The following RANBP2 variants were observed in gnomAD, a reference collection of about 807,000 sequenced individuals.
RANBP2 encodes the protein RAN binding protein 2, also known as E3 SUMO-protein ligase RanBP2.
Under a neutral mutation model 303.6 loss-of-function variants are expected in RANBP2, and 57 were observed. The ratio of observed to expected loss-of-function variants is 0.19; its 90% CI spans 0.15 to 0.23. The LOEUF (loss-of-function observed/expected upper bound fraction) is 0.23. RANBP2 is among the 10% of genes least tolerant of loss of function. The probability of loss-of-function intolerance (pLI) is 1.00; values close to 1 mark genes in which losing one functional copy is unlikely to be tolerated. For synonymous variants in RANBP2, 1,167 were observed against 1,301.5 expected (o/e 0.90, Z 2.23); for missense variants, 3,138 against 3,780.8 (o/e 0.83, Z 4.46).
At chr2:108,895,348 T>G in the RANBP2 span, 1 of 152,622 alleles carries the variant, frequency 6.6e-6, no homozygotes, top group Non-Finnish European at 1.5e-5. Context: ...TTTAATGTAG[T>G]AATAAACACA....
the RANBP2 span, among the ~76,000 whole-genome samples, chr2:109,586,876 G>T: frequency 1.3e-5 from 2 of 152,110 alleles, no homozygotes; most frequent in Non-Finnish European, 2.9e-5. Context: ...GGCTCAACAT[G>T]ATCAATGTGA....
the RANBP2 span, among the ~76,000 whole-genome samples, chr2:109,359,576 T>G: frequency 2.3e-4 from 35 of 152,344 alleles, no homozygotes; most frequent in Admixed American, 7.2e-4. Context: ...TGTATCATGT[T>G]TTAACTTAAA....
At chr2:109,035,774 C>T in the RANBP2 span, among the ~76,000 whole-genome samples, 1 of 152,286 alleles carries the variant, frequency 6.6e-6, no homozygotes, top group Non-Finnish European at 1.5e-5. Flanking sequence ...GAGCTGGGAG[C>T]TAATCCTCTG....
intron 21 of RANBP2, 61 bp from the exon 22 acceptor site, chr2:108,772,428 C>T: frequency 1.5e-6 from 2 of 1,364,056 alleles, no homozygotes; most frequent in Non-Finnish European, 2.1e-6. Flanking sequence ...GGAGGTAGTC[C>T]CTAAGCAAGG....
At chr2:109,229,240 A>G in the RANBP2 span, among the ~76,000 whole-genome samples, 1 of 152,160 alleles carries the variant, frequency 6.6e-6, no homozygotes, top group Non-Finnish European at 1.5e-5. Context: ...CCTTTTTAGT[A>G]CACTTCTTAT....
At chr2:109,282,021 C>A in the RANBP2 span, among the ~76,000 whole-genome samples, 1 of 152,038 alleles carries the variant, frequency 6.6e-6, no homozygotes, top group Admixed American at 6.5e-5. Context: ...GTTCAAGATG[C>A]TACATCTCTG....
the RANBP2 span, among the ~76,000 whole-genome samples, chr2:109,340,329 A>G: frequency 2.6e-5 from 4 of 152,214 alleles, no homozygotes; most frequent in Admixed American, 6.5e-5. Flanking sequence ...AGGTAGGAGC[A>G]GCAGGCACAC....
the RANBP2 span, among the ~76,000 whole-genome samples, chr2:109,069,235 T>C: frequency 1.2e-4 from 18 of 152,214 alleles, no homozygotes; most frequent in Admixed American, 4.6e-4. Flanking sequence ...GGGGGGCTTA[T>C]AAATCAAGAG....
chr2:109,160,693 G>T, the RANBP2 span, among the ~76,000 whole-genome samples: 4 of 152,320 alleles, frequency 2.6e-5, no homozygotes, highest in Non-Finnish European at 4.4e-5. Flanking sequence ...ATCTCTGACT[G>T]CAGGGGCTGT....
the RANBP2 span, among the ~76,000 whole-genome samples, chr2:109,634,119 C>CAA: frequency 2.9e-4 from 16 of 56,088 alleles, no homozygotes; most frequent in African/African-American, 3.1e-4. Flanking sequence ...GACTCTGTCT[C>CAA]AAAAAAAAAA....
the RANBP2 span, among the ~76,000 whole-genome samples, chr2:109,047,433 T>G: frequency 6.6e-6 from 1 of 152,202 alleles, no homozygotes; most frequent in Admixed American, 6.5e-5. Flanking sequence ...ATCTGCCACC[T>G]CAGCCTAATA....
chr2:109,480,630 G>A, the RANBP2 span, among the ~76,000 whole-genome samples: 4 of 152,080 alleles, frequency 2.6e-5, no homozygotes, highest in Non-Finnish European at 4.4e-5. Context: ...CCCTGTGGGA[G>A]GAGGAGGAGG....
At chr2:109,417,083 A>G in the RANBP2 span, among the ~76,000 whole-genome samples, 6 of 152,036 alleles carry the variant, frequency 3.9e-5, no homozygotes, top group African/African-American at 7.2e-5. Flanking sequence ...CTTGGTAACT[A>G]TTTGAATGGG....
chr2:109,447,147 TA>T, the RANBP2 span, among the ~76,000 whole-genome samples: 13,941 of 82,698 alleles, frequency 0.17, 938 homozygotes, highest in East Asian at 0.34. Flanking sequence ...CCTGAATATT[TA>T]AAAAAAAAAA....
chr2:109,272,661 A>C, the RANBP2 span, among the ~76,000 whole-genome samples: 1 of 152,202 alleles, frequency 6.6e-6, no homozygotes, highest in Non-Finnish European at 1.5e-5. Flanking sequence ...GTCCTCCTCC[A>C]CACCAGCGCT....
At chr2:108,748,521 G>A (rs1675568376) in intron 8 of RANBP2, among the ~76,000 whole-genome samples, 2 of 151,740 alleles carry the variant, frequency 1.3e-5, no homozygotes, top group Non-Finnish European at 2.9e-5. Flanking sequence ...GTGCCCAGCC[G>A]GAAATAATTC....
the RANBP2 span, among the ~76,000 whole-genome samples, chr2:109,675,346 G>A: frequency 1.3e-5 from 2 of 152,154 alleles, no homozygotes; most frequent in Admixed American, 6.5e-5. Flanking sequence ...TTTCTGAATC[G>A]AATCCGCAGA....
At chr2:108,811,047 G>GT in the RANBP2 span, among the ~76,000 whole-genome samples, 1 of 150,704 alleles carries the variant, frequency 6.6e-6, no homozygotes, top group Non-Finnish European at 1.5e-5. Flanking sequence ...CTCCCTTTTT[G>GT]TTTCCGATTT....
the RANBP2 span, among the ~76,000 whole-genome samples, chr2:109,193,687 T>C: frequency 6.6e-6 from 1 of 152,324 alleles, no homozygotes; most frequent in East Asian, 1.9e-4. Flanking sequence ...CTACATTTAA[T>C]GATGGTCTAG....
Sources: allele counts gnomAD v4.1 joint callset (sites outside exome capture counted in the v4.1 genomes callset), GRCh38; gene constraint gnomAD v4.1.1; transcripts MANE v1.5; gene names NCBI Gene and HGNC (gene_info 2026-07-23, HGNC 2026-07-21).